Variants in STPG2 observed in about 807,000 individuals in gnomAD.
STPG2 encodes the protein sperm-tail PG-rich repeat-containing protein 2.
A neutral mutation model predicts 54.2 loss-of-function variants in STPG2; 56 were observed. The ratio of observed to expected loss-of-function variants is 1.03; its 90% CI spans 0.83 to 1.29. The LOEUF (loss-of-function observed/expected upper bound fraction) is 1.29. Ranked by LOEUF, STPG2 falls within the 50% of genes most tolerant of loss-of-function variation. STPG2 has a pLI of 0.00. For synonymous variants in STPG2, 200 were observed against 181.8 expected, an observed-to-expected ratio of 1.10 and a Z score of -0.81; for missense variants, 596 against 544.9, an observed-to-expected ratio of 1.09 and a Z score of -0.93.
chr4:97,634,445 A>G (rs1419051539), intron 10 of STPG2, among the ~76,000 whole-genome samples: 1 of 152,228 alleles, frequency 6.6e-6, no homozygotes, highest in Non-Finnish European at 1.5e-5. Context: ...CTCCTCCTCC[A>G]AAGGAAGGCA....
intron 10 of STPG2, among the ~76,000 whole-genome samples, chr4:97,615,452 G>A (rs1733836759): frequency 1.3e-5 from 2 of 151,756 alleles, no homozygotes; most frequent in Non-Finnish European, 2.9e-5. Flanking sequence ...TTTAATGATA[G>A]TAATTTTAAA....
intron 8 of STPG2, among the ~76,000 whole-genome samples, chr4:97,857,961 G>A (rs957917033): frequency 1.1e-4 from 16 of 151,990 alleles, no homozygotes; most frequent in Middle Eastern, 3.4e-3. Context: ...AAAAATTAGT[G>A]AGCTTGAAGA....
At chr4:97,779,359 A>T (rs898690335) in intron 9 of STPG2, among the ~76,000 whole-genome samples, 11 of 152,204 alleles carry the variant, frequency 7.2e-5, no homozygotes, top group African/African-American at 2.7e-4. Flanking sequence ...GAATGAAATG[A>T]AGTGAGAAGA....
intron 10 of STPG2, among the ~76,000 whole-genome samples, chr4:97,651,368 A>G (rs1490403499): frequency 2.6e-5 from 4 of 152,132 alleles, no homozygotes; most frequent in African/African-American, 9.7e-5. Context: ...AACAGGTTAA[A>G]CTGTTATTAT....
At chr4:97,781,355 C>G (rs543217943) in intron 9 of STPG2, among the ~76,000 whole-genome samples, 25 of 152,284 alleles carry the variant, frequency 1.6e-4, no homozygotes, top group African/African-American at 6.0e-4. Flanking sequence ...TTCCTGGACA[C>G]ATACACCCTC....
intron 4 of STPG2, among the ~76,000 whole-genome samples, chr4:97,497,261 A>G (rs1017298444): frequency 6.6e-6 from 1 of 151,850 alleles, no homozygotes; most frequent in Non-Finnish European, 1.5e-5. Flanking sequence ...TTGATTAAAT[A>G]CATCCTTTGC....
intron 10 of STPG2, among the ~76,000 whole-genome samples, chr4:97,570,747 A>T (rs1165788655): frequency 1.3e-5 from 2 of 152,048 alleles, no homozygotes; most frequent in East Asian, 3.9e-4. Context: ...AACAGACTCA[A>T]AGGTTTTTTT....
intron 9 of STPG2, among the ~76,000 whole-genome samples, chr4:97,759,969 C>T (rs1468366453): frequency 6.6e-6 from 1 of 152,194 alleles, no homozygotes; most frequent in East Asian, 1.9e-4. Flanking sequence ...GACTGTGTCA[C>T]TTCCTTATTT....
intron 9 of STPG2, among the ~76,000 whole-genome samples, chr4:97,757,947 G>A (rs1052542321): frequency 3.9e-5 from 6 of 152,138 alleles, no homozygotes; most frequent in Non-Finnish European, 7.4e-5. Flanking sequence ...TTACAAAGTT[G>A]CTTGTAAATG....
chr4:97,522,040 A>T (rs538062042), intron 4 of STPG2, among the ~76,000 whole-genome samples: 2 of 151,510 alleles, frequency 1.3e-5, no homozygotes, highest in Non-Finnish European at 2.9e-5. Flanking sequence ...CTTTAAAAAT[A>T]AAGCCTGAAT....
intron 4 of STPG2, among the ~76,000 whole-genome samples, chr4:97,449,301 G>A (rs1438715305): frequency 6.6e-6 from 1 of 152,062 alleles, no homozygotes; most frequent in African/African-American, 2.4e-5. Flanking sequence ...CTTTCCAGAT[G>A]TGCCTTCTCT....
chr4:98,005,509 A>C (rs1039405302), intron 5 of STPG2, among the ~76,000 whole-genome samples: 2 of 152,172 alleles, frequency 1.3e-5, no homozygotes, highest in African/African-American at 4.8e-5. Context: ...ATTGACTATA[A>C]TGTTAGCTGT....
chr4:98,117,593 G>A (rs1220802154), intron 3 of STPG2, among the ~76,000 whole-genome samples: 1 of 151,836 alleles, frequency 6.6e-6, no homozygotes, highest in Non-Finnish European at 1.5e-5. Flanking sequence ...GATCTCTGAG[G>A]CTCTGAATAC....
Position 97,559,130 on chromosome 4 carries a change from A to T in STPG2, c.1321-13T>A. 1.3e-6 allele frequency: 2 copies of T among 1,562,814 alleles called. No homozygotes were observed. The highest frequency in any genetic ancestry group is 4.5e-5 in the East Asian group (2 of 44,164). ...TCTCCTGGGATATCTGTTTAATAAGAATGAGAAAAAAAGGAGGAAAACATC... is the reference window on the plus strand; with the variant it reads ...TCTCCTGGGATATCTGTTTAATAAGTATGAGAAAAAAAGGAGGAAAACATC... On this transcript the variant is annotated splice_polypyrimidine_tract_variant and intron_variant, in intron 10 of 10. Transcript: ENST00000295268.
chr4:98,005,569 C>T (rs1297527260), intron 5 of STPG2, among the ~76,000 whole-genome samples: 1 of 152,184 alleles, frequency 6.6e-6, no homozygotes, highest in Non-Finnish European at 1.5e-5. Flanking sequence ...TCCTTCTACA[C>T]TTAATTTGCT....
At chr4:98,022,251 G>C (rs971185810) in intron 5 of STPG2, among the ~76,000 whole-genome samples, 7 of 151,854 alleles carry the variant, frequency 4.6e-5, no homozygotes, top group Admixed American at 4.6e-4. Flanking sequence ...TGTCTGTAAA[G>C]TATTTTATTT....
At chr4:97,686,938 A>ATTT in intron 10 of STPG2, among the ~76,000 whole-genome samples, 1 of 146,910 alleles carries the variant, frequency 6.8e-6, no homozygotes, top group African/African-American at 2.5e-5. Context: ...TATTATTATT[A>ATTT]TTATTTTTTT....
At chr4:97,734,696 T>G (rs185217701) in intron 9 of STPG2, among the ~76,000 whole-genome samples, 296 of 152,260 alleles carry the variant, frequency 1.9e-3, no homozygotes, top group African/African-American at 6.7e-3. Context: ...GAAAATGGCC[T>G]TGGCAATGAT....
chr4:98,127,797 T>C (rs1739870812), intron 3 of STPG2, among the ~76,000 whole-genome samples: 1 of 152,234 alleles, frequency 6.6e-6, no homozygotes, highest in Admixed American at 6.5e-5. Context: ...TTAGCTATAT[T>C]GTAACTGATA....
Sources: gnomAD v4.1 joint callset for allele counts (sites outside exome capture counted in the v4.1 genomes callset) on GRCh38, gnomAD v4.1.1 for gene constraint, MANE v1.5 for transcripts, NCBI Gene and HGNC (gene_info 2026-07-23, HGNC 2026-07-21) for gene names.